ARMH3: variants seen among roughly 807,000 people sequenced by gnomAD.
The protein encoded by ARMH3 is armadillo-like helical domain-containing protein 3.
Under a neutral mutation model 99.1 loss-of-function variants are expected in ARMH3, and 60 were observed. That is an observed-to-expected ratio of 0.61 (90% CI 0.49 to 0.75). ARMH3 has a LOEUF of 0.75. Ranked by LOEUF, ARMH3 falls within the 30% of genes least tolerant of loss-of-function variation. ARMH3 has a pLI of 0.00. For missense variants in ARMH3, 679 were observed against 843.1 expected (o/e 0.81, Z 2.41); for synonymous variants, 285 against 292.8 (o/e 0.97, Z 0.27).
chr10:102,002,917 C>T (rs957863342), intron 14 of ARMH3, among the ~76,000 whole-genome samples: 4 of 150,442 alleles, frequency 2.7e-5, no homozygotes, highest in East Asian at 2.0e-4. Context: ...GCCGAGATGG[C>T]GCCACTGCAC....
chr10:101,898,843 C>T (rs1029763287), intron 23 of ARMH3, among the ~76,000 whole-genome samples: 2 of 152,232 alleles, frequency 1.3e-5, no homozygotes, highest in Non-Finnish European at 2.9e-5. Flanking sequence ...GCTCCAACCT[C>T]ATTAAGAGCT....
intron 8 of ARMH3, among the ~76,000 whole-genome samples, chr10:102,014,928 A>C (rs916652669): frequency 3.3e-5 from 5 of 152,196 alleles, no homozygotes; most frequent in Non-Finnish European, 7.3e-5. Flanking sequence ...TCAGACTGGC[A>C]GTTTCTACAG....
At chr10:102,047,334 GA>G (rs982415036) in intron 1 of ARMH3, among the ~76,000 whole-genome samples, 11 of 152,008 alleles carry the variant, frequency 7.2e-5, no homozygotes, top group Non-Finnish European at 1.3e-4. Context: ...AAAAGAAATG[GA>G]AAACAAGTCA....
intron 22 of ARMH3, among the ~76,000 whole-genome samples, chr10:101,950,830 T>G (rs961412637): frequency 3.9e-5 from 6 of 152,204 alleles, no homozygotes; most frequent in East Asian, 1.9e-4. Context: ...CACTCATGGG[T>G]AGGTTTCCTG....
intron 22 of ARMH3, among the ~76,000 whole-genome samples, chr10:101,944,308 AG>A (rs1564778800): frequency 7.5e-6 from 1 of 133,188 alleles, no homozygotes; most frequent in Non-Finnish European, 1.6e-5. Context: ...AGAGAGAGAG[AG>A]AGAGAGAGAG....
At chr10:102,042,494 A>G (rs1314051677) in intron 1 of ARMH3, among the ~76,000 whole-genome samples, 2 of 152,216 alleles carry the variant, frequency 1.3e-5, no homozygotes, top group Non-Finnish European at 2.9e-5. Flanking sequence ...CAAACTACCA[A>G]ATTTCCTAAG....
rs1351997010 is a variant in ARMH3, at chr10:102,039,898, CCT to C, written c.102+113_102+114del. The C allele has an allele frequency of 3.2e-6, 3 of 933,964 alleles. No individual in the cohort carries two copies. The African/African-American group carries it at 4.9e-5, about 15-fold the overall frequency. 57.9% of individuals were successfully genotyped at this position (933,964 alleles called of 1,614,324 possible). A position where few individuals can be genotyped will look rare whatever the true frequency, so the allele number is the denominator to read the frequency against. The stretch of plus-strand genomic sequence containing the variant: ...TTGCCCTCAAACCCTCTTTCTCTCC[CCT>C]GTCCCACATCCCCCAAGGAACCTGA... On this transcript the variant is annotated intron_variant, in intron 2 of 25. Transcript: ENST00000370033.
intron 19 of ARMH3, among the ~76,000 whole-genome samples, chr10:101,988,116 G>A (rs1479332166): frequency 3.9e-5 from 6 of 152,138 alleles, no homozygotes; most frequent in African/African-American, 4.8e-5. Flanking sequence ...AAACCACTAC[G>A]TCTAGGGTAG....
intron 24 of ARMH3, among the ~76,000 whole-genome samples, chr10:101,856,439 C>A (rs971754884): frequency 1.3e-5 from 2 of 152,028 alleles, no homozygotes; most frequent in African/African-American, 4.8e-5. Flanking sequence ...CTGAAAGATT[C>A]AATAAATCCC....
intron 23 of ARMH3, among the ~76,000 whole-genome samples, chr10:101,898,961 T>C (rs181901536): frequency 6.6e-6 from 1 of 152,356 alleles, no homozygotes; most frequent in East Asian, 1.9e-4. Flanking sequence ...AAAGCCTAAG[T>C]CATCTTTTTC....
chr10:101,901,860 C>T (rs892722250), intron 23 of ARMH3, among the ~76,000 whole-genome samples: 2 of 152,138 alleles, frequency 1.3e-5, no homozygotes, highest in Admixed American at 6.5e-5. Context: ...AACCGTTCTG[C>T]CTAAGTGAAG....
chr10:101,970,900 A>C (rs1845739334), intron 20 of ARMH3, among the ~76,000 whole-genome samples: 1 of 152,068 alleles, frequency 6.6e-6, no homozygotes, highest in African/African-American at 2.4e-5. Context: ...AACTTTTTTG[A>C]GAGGAAATAT....
intron 3 of ARMH3, 37 bp downstream of exon 3, chr10:102,033,246 G>A (rs751497814): frequency 6.2e-7 from 1 of 1,613,408 alleles, no homozygotes; most frequent in Non-Finnish European, 8.5e-7. Flanking sequence ...GGCAATTTTA[G>A]TTACCAGGAA....
intron 1 of ARMH3, among the ~76,000 whole-genome samples, chr10:102,049,351 G>C (rs1348510750): frequency 6.6e-6 from 1 of 152,056 alleles, no homozygotes; most frequent in Non-Finnish European, 1.5e-5. Context: ...AGACCAGCCT[G>C]GCCAACATGC....
At chr10:101,964,845 CAAAAA>C (rs545171779) in intron 20 of ARMH3, among the ~76,000 whole-genome samples, 3 of 97,658 alleles carry the variant, frequency 3.1e-5, no homozygotes, top group Admixed American at 1.1e-4. Flanking sequence ...CCGTCTTTAC[CAAAAA>C]AAAAAAAAAA....
intron 1 of ARMH3, among the ~76,000 whole-genome samples, chr10:102,040,482 A>G (rs2067384464): frequency 6.6e-6 from 1 of 152,240 alleles, no homozygotes; most frequent in African/African-American, 2.4e-5. Flanking sequence ...AATGCTCTCC[A>G]AGGTGCTGGA....
intron 23 of ARMH3, among the ~76,000 whole-genome samples, chr10:101,926,224 G>A (rs1387430126): frequency 6.6e-6 from 1 of 152,108 alleles, no homozygotes; most frequent in East Asian, 1.9e-4. Context: ...GTCTCACTCT[G>A]TCGCCCAGGC....
intron 4 of ARMH3, 65 bp from the exon 5 acceptor site, chr10:102,029,810 C>T: frequency 2.1e-6 from 3 of 1,432,914 alleles, no homozygotes. Context: ...ACCCACATTG[C>T]AGCCTCATCC....
chr10:101,961,291 T>C (rs1379831207), intron 20 of ARMH3, among the ~76,000 whole-genome samples: 2 of 151,890 alleles, frequency 1.3e-5, no homozygotes, highest in Non-Finnish European at 2.9e-5. Flanking sequence ...TCTCTATCCC[T>C]TGTGGCTGCT....
Sources: allele counts gnomAD v4.1 joint callset (sites outside exome capture counted in the v4.1 genomes callset), GRCh38; gene constraint gnomAD v4.1.1; transcripts MANE v1.5; gene names NCBI Gene and HGNC (gene_info 2026-07-23, HGNC 2026-07-21).